The following SFMBT1 variants were observed in gnomAD, a reference collection of about 807,000 sequenced individuals.
SFMBT1 encodes the protein scm-like with four MBT domains protein 1.
In SFMBT1, 32 loss-of-function variants were observed where a neutral mutation model predicts 108.7. The observed-to-expected ratio is 0.29, with a 90% CI of 0.22 to 0.40. The LOEUF (loss-of-function observed/expected upper bound fraction) is 0.40, where lower values mean the gene tolerates loss of function less well. SFMBT1 is among the 10% of genes least tolerant of loss of function. The pLI is 1.00. For synonymous variants in SFMBT1, 348 were observed against 369.5 expected (o/e 0.94, Z 0.67); for missense variants, 816 against 1,059.6 (o/e 0.77, Z 3.19).
At chr3:53,039,177 G>T (rs1342849448) in intron 1 of SFMBT1, among the ~76,000 whole-genome samples, 3 of 152,120 alleles carry the variant, frequency 2.0e-5, no homozygotes, top group African/African-American at 7.2e-5. Flanking sequence ...GGCTCTGCTG[G>T]GCACATACGG....
At chr3:52,966,923 C>T (rs576079489) in intron 2 of SFMBT1, among the ~76,000 whole-genome samples, 2 of 61,312 alleles carry the variant, frequency 3.3e-5, no homozygotes, top group African/African-American at 5.9e-5. Context: ...CTATACTTCA[C>T]TTTAATAAAA....
chr3:52,965,354 A>G (rs538602893), intron 2 of SFMBT1, among the ~76,000 whole-genome samples: 1 of 151,588 alleles, frequency 6.6e-6, no homozygotes, highest in Non-Finnish European at 1.5e-5. Context: ...AGTCTGAGGG[A>G]CCTGTGGGAC....
intron 1 of SFMBT1, among the ~76,000 whole-genome samples, chr3:53,037,232 C>T (rs949210017): frequency 6.6e-6 from 1 of 152,172 alleles, no homozygotes; most frequent in Non-Finnish European, 1.5e-5. Flanking sequence ...AAGACTCTCC[C>T]TAGAAGGGGA....
At chr3:53,005,609 G>T (rs909928496) in intron 1 of SFMBT1, among the ~76,000 whole-genome samples, 6 of 152,174 alleles carry the variant, frequency 3.9e-5, no homozygotes, top group African/African-American at 1.4e-4. Flanking sequence ...ACAGAGCCCA[G>T]CTGGGATTTA....
In SFMBT1 at chr3:52,925,904, A is replaced by T; in HGVS notation, c.1131+127T>A. The stretch of plus-strand genomic sequence containing the variant: ...ATTTTCCTTTAGACCATGTGATTAC[A>T]ATCACCACTGTGCTCATCTGGATTA... On this transcript the variant is annotated intron_variant, in intron 10 of 20. Coordinates refer to ENST00000394752, the MANE Select transcript of SFMBT1 (RefSeq NM_016329.4). 3 of 761,900 alleles carry T rather than the reference A, an allele frequency of 3.9e-6. No individual in the cohort carries two copies. The South Asian group carries it at 6.6e-5, about 17-fold the overall frequency. The allele number at this position is 761,900 out of a possible 1,614,324, so 47.2% of individuals were successfully genotyped here.
At chr3:53,008,308 C>A (rs572666857) in intron 1 of SFMBT1, among the ~76,000 whole-genome samples, 3 of 152,156 alleles carry the variant, frequency 2.0e-5, no homozygotes, top group East Asian at 3.8e-4. Flanking sequence ...ACAACTCCAA[C>A]GGTTCTGGAG....
intron 5 of SFMBT1, among the ~76,000 whole-genome samples, chr3:52,933,815 C>T (rs1461510472): frequency 6.6e-6 from 1 of 151,966 alleles, no homozygotes; most frequent in Admixed American, 6.6e-5. Flanking sequence ...TCTTCTTGAC[C>T]TTGGGTTAAG....
intron 5 of SFMBT1, among the ~76,000 whole-genome samples, chr3:52,932,515 T>C (rs1219474502): frequency 1.3e-5 from 2 of 152,226 alleles, no homozygotes; most frequent in Non-Finnish European, 2.9e-5. Context: ...AATCTACCTA[T>C]AATGCAGTAA....
At chr3:52,934,433 A>G (rs1702945067) in intron 5 of SFMBT1, among the ~76,000 whole-genome samples, 2 of 146,520 alleles carry the variant, frequency 1.4e-5, no homozygotes, top group African/African-American at 4.9e-5. Context: ...TTCCAAGCAA[A>G]AAAAAAAAAA....
At chr3:53,040,886 C>T (rs996971187) in intron 1 of SFMBT1, among the ~76,000 whole-genome samples, 10 of 150,178 alleles carry the variant, frequency 6.7e-5, no homozygotes, top group Admixed American at 2.0e-4. Context: ...CCCACTGCAA[C>T]GTCTGTCTCC....
At chr3:53,011,192 A>G (rs2106928216) in intron 1 of SFMBT1, among the ~76,000 whole-genome samples, 1 of 152,366 alleles carries the variant, frequency 6.6e-6, no homozygotes, top group Admixed American at 6.5e-5. Flanking sequence ...AAAGAAAGGC[A>G]TAAATTTCAT....
chr3:53,010,139 A>C (rs1436914197), intron 1 of SFMBT1, among the ~76,000 whole-genome samples: 1 of 152,262 alleles, frequency 6.6e-6, no homozygotes, highest in African/African-American at 2.4e-5. Flanking sequence ...AAGCAATCAT[A>C]ATGAAAAGGA....
chr3:53,028,238 C>G (rs1489467267), intron 1 of SFMBT1, among the ~76,000 whole-genome samples: 1 of 152,152 alleles, frequency 6.6e-6, no homozygotes, highest in African/African-American at 2.4e-5. Flanking sequence ...CACACCACCA[C>G]ACTCAACTAA....
chr3:52,954,696 T>A (rs1703722510), intron 2 of SFMBT1, among the ~76,000 whole-genome samples: 1 of 152,136 alleles, frequency 6.6e-6, no homozygotes, highest in South Asian at 2.1e-4. Context: ...CACATAAAAC[T>A]GGTAGGAGTA....
rs1702056359 is a variant in SFMBT1, at chr3:52,906,047, T to C, written c.2460+66A>G. 3.8e-5 allele frequency: 58 copies of C among 1,527,392 alleles called. 1 individual carries two copies. In the South Asian group the frequency reaches 6.6e-4, roughly 17 times the overall value. 94.6% of individuals were successfully genotyped at this position (1,527,392 alleles called of 1,614,324 possible). A position where few individuals can be genotyped will look rare whatever the true frequency, so the allele number is the denominator to read the frequency against. On this transcript the variant is annotated intron_variant, in intron 20 of 20. Coordinates refer to ENST00000394752, the MANE Select transcript of SFMBT1 (RefSeq NM_016329.4). ...TTCCTAAAACTTGTAAATAAATTGTTGACTATTACATCCATAATTTATTGC... is the reference window on the plus strand; with the variant it reads ...TTCCTAAAACTTGTAAATAAATTGTCGACTATTACATCCATAATTTATTGC...
intron 1 of SFMBT1, among the ~76,000 whole-genome samples, chr3:53,016,199 A>C (rs1413101548): frequency 6.6e-6 from 1 of 152,068 alleles, no homozygotes; most frequent in Non-Finnish European, 1.5e-5. Context: ...TTACACCTCT[A>C]ACTCCAAAGC....
intron 2 of SFMBT1, among the ~76,000 whole-genome samples, chr3:52,962,940 T>C (rs1033748571): frequency 4.6e-5 from 7 of 151,770 alleles, no homozygotes; most frequent in African/African-American, 1.7e-4. Context: ...TGGCTATATA[T>C]ATGGAAAAAG....
At chr3:53,045,700 G>A (rs1440801592) in intron 1 of SFMBT1, 116 bp downstream of exon 1, 1 of 143,256 alleles carries the variant, frequency 7.0e-6, no homozygotes, top group Non-Finnish European at 1.5e-5. Context: ...GTTTCCCGTT[G>A]GCAAAGTTGC....
intron 12 of SFMBT1, among the ~76,000 whole-genome samples, chr3:52,919,808 G>A (rs1702465453): frequency 1.3e-5 from 2 of 152,198 alleles, no homozygotes; most frequent in Non-Finnish European, 2.9e-5. Context: ...ACCCAGCAAG[G>A]AGCTCAGGCC....
Sources: allele counts gnomAD v4.1 joint callset (sites outside exome capture counted in the v4.1 genomes callset), GRCh38; gene constraint gnomAD v4.1.1; transcripts MANE v1.5; gene names NCBI Gene and HGNC (gene_info 2026-07-23, HGNC 2026-07-21).